CCDC187: variants seen among roughly 807,000 people sequenced by gnomAD.
CCDC187 encodes the protein coiled-coil domain-containing protein 187.
A neutral mutation model predicts 38.0 loss-of-function variants in CCDC187; 32 were observed. The ratio of observed to expected loss-of-function variants is 0.84; its 90% CI spans 0.64 to 1.13. The LOEUF (loss-of-function observed/expected upper bound fraction) is 1.13. Among genes scored for constraint, CCDC187 ranks in the 50% most tolerant of loss-of-function variants. The pLI is 0.00. For synonymous variants in CCDC187, 333 were observed against 347.9 expected, an observed-to-expected ratio of 0.96 and a Z score of 0.48; for missense variants, 707 against 786.8, an observed-to-expected ratio of 0.90 and a Z score of 1.21.
chr9:136,279,701 C>T (rs1831002447), intron 10 of CCDC187, among the ~76,000 whole-genome samples: 1 of 152,246 alleles, frequency 6.6e-6, no homozygotes, highest in Non-Finnish European at 1.5e-5. Flanking sequence ...AAGCTTGCTG[C>T]ACCTCCCTGG....
Position 136,300,289 on chromosome 9 carries a change from T to C in CCDC187, c.655A>G (p.Arg219Gly). 1 of 398,682 alleles carries C rather than the reference T, an allele frequency of 2.5e-6. No individual in the cohort carries two copies. Among genetic ancestry groups the C allele is most frequent in the Non-Finnish European group, 4.4e-6 (1 of 226,082 alleles). 24.7% of individuals were successfully genotyped at this position (398,682 alleles called of 1,614,324 possible). The stretch of plus-strand genomic sequence containing the variant: ...CCGTGGGATGCCTTGGCTTCAACTC[T>C]GCGCTCAGCTGCACTCAAGATGCTG... ...GFSILSAAER[R>G]VEAKASHGQG... The change falls in exon 3 of 26, where the codon AGA (arginine) becomes GGA (glycine). Residue 219 changes from arginine (R) to glycine (G), a missense_variant. Physicochemically the swap from Arg to Gly is moderately radical, Grantham distance 125 (BLOSUM62 -2). Transcript: ENST00000638797.
At chr9:136,274,164 A>G (rs1830887517) in intron 14 of CCDC187, among the ~76,000 whole-genome samples, 1 of 152,224 alleles carries the variant, frequency 6.6e-6, no homozygotes, top group Admixed American at 6.5e-5. Flanking sequence ...CCAGGCTTCC[A>G]GGAGATGGCA....
intron 3 of CCDC187, among the ~76,000 whole-genome samples, chr9:136,299,153 G>A (rs1831609092): frequency 6.6e-6 from 1 of 152,176 alleles, no homozygotes; most frequent in Non-Finnish European, 1.5e-5. Flanking sequence ...CTGACCACAG[G>A]GCTCAGGCGG....
rs139068725 is a variant in CCDC187 at position 136,251,245 on chromosome 9, G to C, written c.*2349C>G. The C allele has an allele frequency of 3.0e-6, 1 of 334,904 alleles. No individual in the cohort carries two copies. Among genetic ancestry groups the C allele is most frequent in the African/African-American group, 2.1e-5 (1 of 46,596 alleles). The allele number at this position is 334,904 out of a possible 1,614,324, so 20.7% of individuals were successfully genotyped here. A position where few individuals can be genotyped will look rare whatever the true frequency, so the allele number is the denominator to read the frequency against. On this transcript the variant is annotated 3_prime_UTR_variant, in exon 26 of 26. Transcript: ENST00000638797. The stretch of plus-strand genomic sequence containing the variant: ...TACAGGGGTCCCAGTGAATCCTCTG[G>C]AAGCAAAGAAAAGTCCATGGCACCA...
At chr9:136,296,247 C>G (rs1270382298) in intron 4 of CCDC187, 7 of 152,274 alleles carry the variant, frequency 4.6e-5, no homozygotes, top group African/African-American at 1.7e-4. Context: ...GAGTGGCCAG[C>G]GAGCTGGCAC....
chr9:136,276,124 C>T (rs1830926323), intron 12 of CCDC187, 70 bp downstream of exon 12: 4 of 152,252 alleles, frequency 2.6e-5, no homozygotes, highest in African/African-American at 7.2e-5. Flanking sequence ...CATTCCTTCC[C>T]AGTGTGACTG....
At chr9:136,255,598 T>TG in intron 25 of CCDC187, 59 bp downstream of exon 25, 1 of 791,284 alleles carries the variant, frequency 1.3e-6, no homozygotes, top group Non-Finnish European at 1.5e-6. Context: ...AGAAATGGCT[T>TG]GGGGGACCCT....
At chr9:136,287,679 CTG>C (rs2131289261) in intron 7 of CCDC187, among the ~76,000 whole-genome samples, 1 of 152,324 alleles carries the variant, frequency 6.6e-6, no homozygotes, top group African/African-American at 2.4e-5. Context: ...AGCAGCAAGA[CTG>C]AGACCAAACC....
intron 14 of CCDC187, among the ~76,000 whole-genome samples, chr9:136,273,282 T>C (rs1449100650): frequency 6.6e-6 from 1 of 152,058 alleles, no homozygotes; most frequent in East Asian, 1.9e-4. Context: ...GAAACACACT[T>C]CAAATACAAA....
chr9:136,285,460 CAGGCGGGCAGGTGGGCAGGTGGGCAGGT>C (rs2131275746), intron 9 of CCDC187, 25 bp downstream of exon 9: 2,392 of 40,390 alleles, frequency 0.059, 50 homozygotes, highest in African/African-American at 0.19. Context: ...GGCAGGTGGG[CAGGCGGGCAGGTGGGCAGGTGGGCAGGT>C]GGGCAGGTGG....
intron 10 of CCDC187, among the ~76,000 whole-genome samples, chr9:136,277,053 A>T (rs1040478369): frequency 0.026 from 3,907 of 152,008 alleles, 155 homozygotes; most frequent in African/African-American, 0.088. Flanking sequence ...TCCAGGATGG[A>T]TGGCAGGAGT....
intron 23 of CCDC187, 50 bp from the exon 24 acceptor site, chr9:136,256,373 T>C: frequency 1.1e-6 from 1 of 892,030 alleles, no homozygotes; most frequent in Non-Finnish European, 1.3e-6. Flanking sequence ...CCTCTGTCTC[T>C]GTCCACCTCC....
intron 6 of CCDC187, 28 bp from the exon 7 acceptor site, chr9:136,290,081 C>T (rs1432002414): frequency 1.8e-5 from 7 of 398,568 alleles, no homozygotes; most frequent in Non-Finnish European, 3.1e-5. Flanking sequence ...GCCATCAGAG[C>T]CCCCCGCTCG....
chr9:136,288,906 C>T (rs1225053485), intron 7 of CCDC187, among the ~76,000 whole-genome samples: 3 of 152,226 alleles, frequency 2.0e-5, no homozygotes, highest in Admixed American at 2.0e-4. Context: ...AAGCTGCACA[C>T]AGAGGTGCAC....
intron 4 of CCDC187, among the ~76,000 whole-genome samples, chr9:136,293,963 CAT>C (rs1423316708): frequency 1.4e-5 from 2 of 146,970 alleles, no homozygotes; most frequent in Admixed American, 6.9e-5. Context: ...CTCATATACA[CAT>C]GCCCTCACAT....
chr9:136,278,724 G>A (rs1051919017), intron 10 of CCDC187, among the ~76,000 whole-genome samples: 9 of 152,362 alleles, frequency 5.9e-5, no homozygotes, highest in Non-Finnish European at 1.2e-4. Flanking sequence ...CTCAGTGGGG[G>A]CTGTGGAGTT....
At chr9:136,301,920 A>T (rs1366773307) in intron 2 of CCDC187, among the ~76,000 whole-genome samples, 1 of 152,072 alleles carries the variant, frequency 6.6e-6, no homozygotes, top group East Asian at 1.9e-4. Context: ...GTTATCTTAA[A>T]AATAGAGGAG....
At position 136,250,942 on chromosome 9, in the gene CCDC187, G is replaced by C. The variant is rs1227436525; in HGVS notation, c.*2652C>G. 3 of 453,964 alleles carry C rather than the reference G, an allele frequency of 6.6e-6. No homozygotes were observed. The highest frequency in any genetic ancestry group is 1.3e-5 in the Non-Finnish European group (3 of 225,160). 28.1% of individuals were successfully genotyped at this position (453,964 alleles called of 1,614,324 possible). On this transcript the variant is annotated 3_prime_UTR_variant, in exon 26 of 26. Transcript: ENST00000638797. Reference sequence around the variant, plus strand: ...CTAAGGGGCCTGGGGTCTCTCACCAGAGCTATGGGGTAGAGGGCCTTGGCA... The same window carrying C: ...CTAAGGGGCCTGGGGTCTCTCACCACAGCTATGGGGTAGAGGGCCTTGGCA...
chr9:136,286,064 G>A (rs931738914), intron 8 of CCDC187, 21 bp downstream of exon 8: 27 of 398,370 alleles, frequency 6.8e-5, no homozygotes, highest in East Asian at 2.8e-4. Flanking sequence ...AGCGGTCACC[G>A]TGTCCCGGGT....
Sources: allele counts gnomAD v4.1 joint callset (sites outside exome capture counted in the v4.1 genomes callset), GRCh38; gene constraint gnomAD v4.1.1; transcripts MANE v1.5; gene names NCBI Gene and HGNC (gene_info 2026-07-23, HGNC 2026-07-21).